FOXP2: variants seen among roughly 807,000 people sequenced by gnomAD.
The protein encoded by FOXP2 is forkhead box P2, also known as forkhead box protein P2.
In FOXP2, 12 loss-of-function variants were observed where a neutral mutation model predicts 115.8. That is an observed-to-expected ratio of 0.10 (90% CI 0.07 to 0.17). The LOEUF is 0.17. FOXP2 is among the 10% of genes least tolerant of loss of function. The pLI, the probability that FOXP2 is intolerant of heterozygous loss-of-function variation, is 1.00. For missense variants in FOXP2, 629 were observed against 843.5 expected (o/e 0.75, Z 3.15); for synonymous variants, 328 against 297.7 (o/e 1.10, Z -1.05).
chr7:114,584,241 C>T (rs1802014349), intron 3 of FOXP2, among the ~76,000 whole-genome samples: 1 of 151,968 alleles, frequency 6.6e-6, no homozygotes, highest in Admixed American at 6.6e-5. Flanking sequence ...CTACAAACAT[C>T]ATTTAAAGGA....
intron 1 of FOXP2, among the ~76,000 whole-genome samples, chr7:114,266,871 T>A (rs1374389202): frequency 6.6e-6 from 1 of 152,188 alleles, no homozygotes; most frequent in Non-Finnish European, 1.5e-5. Flanking sequence ...GAACAAAAAT[T>A]TATGTAGTGC....
chr7:114,290,030 T>C (rs915102738), intron 2 of FOXP2, among the ~76,000 whole-genome samples: 1 of 151,936 alleles, frequency 6.6e-6, no homozygotes, highest in Non-Finnish European at 1.5e-5. Flanking sequence ...CTGTTAATTT[T>C]TGCTTCTCAG....
chr7:114,470,267 T>G (rs750288495), intron 2 of FOXP2, among the ~76,000 whole-genome samples: 11 of 152,142 alleles, frequency 7.2e-5, no homozygotes, highest in Non-Finnish European at 7.4e-5. Context: ...GTTCAAAATC[T>G]TCCTTCTACT....
intron 3 of FOXP2, chr7:114,561,167 G>A (rs1467593758): frequency 1.3e-5 from 2 of 152,200 alleles, no homozygotes; most frequent in African/African-American, 4.8e-5. Context: ...CAGAATTAAG[G>A]TAGTCCCCAA....
In FOXP2 at chr7:114,464,608, G is replaced by A. The variant is rs570380450; in HGVS notation, c.168+37929G>A. Among the ~76,000 whole-genome samples the A allele has an allele frequency of 5.3e-5, 8 of 152,344 alleles. No individual in the cohort carries two copies. In the East Asian group the frequency reaches 5.8e-4, roughly 11 times the overall value. On this transcript the variant is annotated intron_variant, in intron 2 of 16. Transcript: ENST00000350908. ...TGATTAGCTGAAGGGTGAACTCTGT[G>A]TGTGTGATAAAGAGCTCAGTCTTTA...
At chr7:114,324,591 G>A (rs1797509962) in intron 2 of FOXP2, among the ~76,000 whole-genome samples, 1 of 151,698 alleles carries the variant, frequency 6.6e-6, no homozygotes. Flanking sequence ...ACATGTGCCT[G>A]TCTTCAACAT....
intron 1 of FOXP2, among the ~76,000 whole-genome samples, chr7:114,236,013 C>T (rs192119134): frequency 1.3e-4 from 20 of 152,196 alleles, no homozygotes; most frequent in Non-Finnish European, 2.8e-4. Flanking sequence ...CTATTAGATT[C>T]GAAGCTCCTT....
At chr7:114,359,021 G>A (rs1373968297) in intron 2 of FOXP2, among the ~76,000 whole-genome samples, 3 of 152,072 alleles carry the variant, frequency 2.0e-5, no homozygotes, top group African/African-American at 4.8e-5. Flanking sequence ...ATGTCTTCAG[G>A]GCTTATCAAA....
chr7:114,564,393 A>G (rs1800900451), intron 3 of FOXP2, among the ~76,000 whole-genome samples: 3 of 152,096 alleles, frequency 2.0e-5, no homozygotes, highest in Non-Finnish European at 4.4e-5. Flanking sequence ...AAAACTTAGG[A>G]TCCATGGATA....
chr7:114,224,348 G>A (rs1472379935), intron 1 of FOXP2, among the ~76,000 whole-genome samples: 1 of 152,102 alleles, frequency 6.6e-6, no homozygotes, highest in African/African-American at 2.4e-5. Flanking sequence ...CCATAAATCA[G>A]TATGGGGAGA....
At chr7:114,452,538 C>G (rs896630065) in intron 2 of FOXP2, among the ~76,000 whole-genome samples, 9 of 152,130 alleles carry the variant, frequency 5.9e-5, no homozygotes, top group African/African-American at 2.2e-4. Context: ...GTGATGTATT[C>G]CAGACTTCCA....
chr7:114,656,401 T>C (rs1315474331), intron 10 of FOXP2: 1 of 304,942 alleles, frequency 3.3e-6, no homozygotes, highest in Non-Finnish European at 6.9e-6. Context: ...TTTCTAAATA[T>C]AACATTGTTA....
intron 1 of FOXP2, among the ~76,000 whole-genome samples, chr7:114,212,427 G>GT (rs1438074492): frequency 6.6e-6 from 1 of 151,824 alleles, no homozygotes; most frequent in East Asian, 1.9e-4. Context: ...TGAATTGGTG[G>GT]TTTTTTACCC....
chr7:114,661,413 T>G (rs932675489), intron 13 of FOXP2, among the ~76,000 whole-genome samples: 5 of 151,970 alleles, frequency 3.3e-5, no homozygotes, highest in African/African-American at 1.2e-4. Flanking sequence ...GGGAAGAAAA[T>G]GTACTCTCGG....
chr7:114,650,150 G>A (rs1238842908), intron 8 of FOXP2, among the ~76,000 whole-genome samples: 5 of 152,022 alleles, frequency 3.3e-5, no homozygotes, highest in African/African-American at 1.2e-4. Flanking sequence ...TAAGACCCAA[G>A]TATATAAAGC....
chr7:114,526,855 G>C (rs553530346), intron 2 of FOXP2, among the ~76,000 whole-genome samples: 50 of 152,184 alleles, frequency 3.3e-4, no homozygotes, highest in African/African-American at 1.2e-3. Context: ...GGAGTTTTTA[G>C]CATATTCACT....
chr7:114,531,376 T>C (rs1000035708), intron 2 of FOXP2, among the ~76,000 whole-genome samples: 4 of 151,932 alleles, frequency 2.6e-5, no homozygotes, highest in African/African-American at 9.7e-5. Context: ...TATCTAATAA[T>C]CTTTCATTTT....
intron 1 of FOXP2, among the ~76,000 whole-genome samples, chr7:114,203,655 C>T (rs1479455247): frequency 6.6e-6 from 1 of 152,108 alleles, no homozygotes; most frequent in Non-Finnish European, 1.5e-5. Context: ...CACCTGGCAA[C>T]ACCTTTTGAA....
intron 1 of FOXP2, among the ~76,000 whole-genome samples, chr7:114,129,763 T>C (rs1388953251): frequency 6.6e-6 from 1 of 152,232 alleles, no homozygotes; most frequent in African/African-American, 2.4e-5. Context: ...TTTATATACC[T>C]TCACTGTTCT....
Sources: gnomAD v4.1 joint callset for allele counts (sites outside exome capture counted in the v4.1 genomes callset) on GRCh38, gnomAD v4.1.1 for gene constraint, MANE v1.5 for transcripts, NCBI Gene and HGNC (gene_info 2026-07-23, HGNC 2026-07-21) for gene names.